The following AKT3 variants were observed in gnomAD, a reference collection of about 807,000 sequenced individuals.
AKT3 encodes RAC-gamma serine/threonine-protein kinase.
Under a neutral mutation model 65.3 loss-of-function variants are expected in AKT3, and 15 were observed. That is an observed-to-expected ratio of 0.23 (90% CI 0.15 to 0.35). The LOEUF is 0.35. Among genes scored for constraint, AKT3 ranks in the 10% least tolerant of loss-of-function variants. The pLI is 1.00. For missense variants in AKT3, 243 were observed against 576.5 expected, an observed-to-expected ratio of 0.42 and a Z score of 5.92; for synonymous variants, 206 against 183.8, an observed-to-expected ratio of 1.12 and a Z score of -0.98.
In AKT3 at chr1:243,503,565, T is replaced by A. The variant is rs1307999768; in HGVS notation, c.*1684A>T. 8.6e-6 allele frequency: 2 copies of A among 233,226 alleles called. No individual in the cohort carries two copies. The highest frequency in any genetic ancestry group is 4.4e-5 in the African/African-American group (2 of 45,294). 14.4% of individuals were successfully genotyped at this position (233,226 alleles called of 1,614,324 possible). ...GGACTTCACAGGCTGCTTTGGAAAT[T>A]GTCAGCTCCTAGCACCAAAGGGTTT... On this transcript the variant is annotated 3_prime_UTR_variant, in exon 14 of 14. Coordinates refer to ENST00000673466, the MANE Select transcript of AKT3 (RefSeq NM_005465.7).
intron 8 of AKT3, among the ~76,000 whole-genome samples, chr1:243,589,789 T>A (rs563053196): frequency 6.6e-6 from 1 of 152,324 alleles, no homozygotes; most frequent in Non-Finnish European, 1.5e-5. Context: ...ACTGCAGGTA[T>A]CTCTATTCCA....
intron 12 of AKT3, among the ~76,000 whole-genome samples, chr1:243,534,213 A>G (rs1671747303): frequency 6.6e-6 from 1 of 152,214 alleles, no homozygotes; most frequent in African/African-American, 2.4e-5. Flanking sequence ...TGCTCATAGT[A>G]ATTTAAAGAA....
chr1:243,671,288 C>T (rs1288490081), intron 3 of AKT3, among the ~76,000 whole-genome samples: 2 of 152,070 alleles, frequency 1.3e-5, no homozygotes, highest in African/African-American at 4.8e-5. Context: ...CTGTGTTAGC[C>T]AGGATGGTCT....
intron 10 of AKT3, among the ~76,000 whole-genome samples, chr1:243,558,870 T>C (rs1673584145): frequency 6.6e-6 from 1 of 152,048 alleles, no homozygotes; most frequent in Non-Finnish European, 1.5e-5. Flanking sequence ...AAAAGTGAAC[T>C]GCCAAAACGC....
chr1:243,726,503 T>G (rs1027840987), intron 2 of AKT3, among the ~76,000 whole-genome samples: 3 of 152,224 alleles, frequency 2.0e-5, no homozygotes, highest in African/African-American at 4.8e-5. Flanking sequence ...TTAAGTTCAG[T>G]TTCTATAACT....
intron 2 of AKT3, among the ~76,000 whole-genome samples, chr1:243,718,294 T>C (rs1686638436): frequency 1.3e-5 from 2 of 152,202 alleles, no homozygotes; most frequent in East Asian, 1.9e-4. Context: ...CCAACGATTG[T>C]ATGCATTCTC....
intron 2 of AKT3, among the ~76,000 whole-genome samples, chr1:243,701,653 T>C (rs1323091513): frequency 1.8e-5 from 1 of 55,372 alleles, no homozygotes; most frequent in Non-Finnish European, 3.8e-5. Context: ...GCTTCTTACC[T>C]AAGAAAAAAT....
upstream of AKT3, chr1:243,850,985 C>T (rs1695763973): frequency 1.3e-5 from 2 of 152,166 alleles, no homozygotes; most frequent in South Asian, 2.1e-4. Context: ...CCGCCAGGCC[C>T]CGGGCGTCTC....
At chr1:243,701,124 AGTC>A (rs1685433220) in intron 2 of AKT3, among the ~76,000 whole-genome samples, 1 of 152,246 alleles carries the variant, frequency 6.6e-6, no homozygotes, top group Non-Finnish European at 1.5e-5. Context: ...TAAAAGCTGA[AGTC>A]GTAAGCGCCA....
At chr1:243,799,994 T>C (rs965597923) in intron 2 of AKT3, among the ~76,000 whole-genome samples, 1 of 152,210 alleles carries the variant, frequency 6.6e-6, no homozygotes, top group African/African-American at 2.4e-5. Flanking sequence ...AGTTCCTTTT[T>C]TTTTAGCTCT....
At chr1:243,751,462 T>A (rs1460526077) in intron 2 of AKT3, among the ~76,000 whole-genome samples, 2 of 152,246 alleles carry the variant, frequency 1.3e-5, no homozygotes, top group African/African-American at 4.8e-5. Flanking sequence ...TGCTCATTTC[T>A]TTTTAGGGGA....
intron 12 of AKT3, among the ~76,000 whole-genome samples, chr1:243,525,468 G>T (rs2148396758): frequency 6.6e-6 from 1 of 151,618 alleles, no homozygotes; most frequent in Middle Eastern, 3.4e-3. Flanking sequence ...AGACTTTAAA[G>T]CAACTTTATA....
At chr1:243,608,366 A>C (rs1677590207) in intron 8 of AKT3, among the ~76,000 whole-genome samples, 1 of 152,250 alleles carries the variant, frequency 6.6e-6, no homozygotes, top group Admixed American at 6.5e-5. Context: ...TCTAGAGCAT[A>C]GACTAAGAAG....
intron 8 of AKT3, among the ~76,000 whole-genome samples, chr1:243,576,668 G>T (rs2345282): frequency 3.9e-5 from 6 of 152,100 alleles, no homozygotes; most frequent in African/African-American, 4.8e-5. Context: ...CAGCTAACAA[G>T]GGAAGTGAAG....
At position 243,603,425 on chromosome 1, in the gene AKT3, G is replaced by A. The variant is rs947998666; in HGVS notation, c.696+10246C>T. Among the ~76,000 whole-genome samples, 20 of 152,138 alleles carry A rather than the reference G, an allele frequency of 1.3e-4. 1 individual carries two copies. On this transcript the variant is annotated intron_variant, in intron 8 of 13. Transcript: ENST00000673466. The stretch of plus-strand genomic sequence containing the variant: ...CTCCTTAACTTCTAAGGCTTCTCTT[G>A]TCTGGCTCCTCCTGCCCAGGATCCT...
intron 3 of AKT3, 23 bp downstream of exon 3, chr1:243,695,568 A>G: frequency 6.4e-7 from 1 of 1,557,074 alleles, no homozygotes; most frequent in Non-Finnish European, 8.7e-7. Flanking sequence ...TACAAGATGA[A>G]TCAACAATTA....
At chr1:243,516,932 T>C (rs980711102) in intron 12 of AKT3, among the ~76,000 whole-genome samples, 3 of 152,216 alleles carry the variant, frequency 2.0e-5, no homozygotes, top group African/African-American at 7.2e-5. Context: ...TTTACACTTT[T>C]CTTCTTTTCT....
chr1:243,725,784 G>A (rs956787324), intron 2 of AKT3, among the ~76,000 whole-genome samples: 1 of 152,008 alleles, frequency 6.6e-6, no homozygotes, highest in African/African-American at 2.4e-5. Context: ...ATATAATTTC[G>A]ACGATTTAAT....
chr1:243,551,985 C>T (rs1036290650), intron 11 of AKT3, among the ~76,000 whole-genome samples: 3 of 151,930 alleles, frequency 2.0e-5, no homozygotes, highest in African/African-American at 4.8e-5. Flanking sequence ...AGATTATTTT[C>T]AAATGACAAA....
Sources: allele counts gnomAD v4.1 joint callset (sites outside exome capture counted in the v4.1 genomes callset), GRCh38; gene constraint gnomAD v4.1.1; transcripts MANE v1.5; gene names NCBI Gene and HGNC (gene_info 2026-07-23, HGNC 2026-07-21).